PALM2AKAP2: variants seen among roughly 807,000 people sequenced by gnomAD.
PALM2AKAP2 encodes PALM2 and AKAP2 fusion, also known as PALM2-AKAP2 fusion protein.
A neutral mutation model predicts 71.5 loss-of-function variants in PALM2AKAP2; 37 were observed. That is an observed-to-expected ratio of 0.52 (90% CI 0.40 to 0.68). PALM2AKAP2 has a LOEUF of 0.68. PALM2AKAP2 is among the 30% of genes least tolerant of loss of function. PALM2AKAP2 has a pLI of 0.00. For synonymous variants in PALM2AKAP2, 468 were observed against 478.8 expected, an observed-to-expected ratio of 0.98 and a Z score of 0.29; for missense variants, 1,224 against 1,191.8, an observed-to-expected ratio of 1.03 and a Z score of -0.40.
intron 3 of PALM2AKAP2, among the ~76,000 whole-genome samples, chr9:110,163,423 AT>A (rs2119263935): frequency 6.6e-6 from 1 of 152,288 alleles, no homozygotes. Context: ...GATATTTAAT[AT>A]TTTTAAAAGA....
chr9:109,976,599 G>A (rs1315208997), intron 6 of PALM2AKAP2, among the ~76,000 whole-genome samples: 1 of 152,220 alleles, frequency 6.6e-6, no homozygotes, highest in East Asian at 1.9e-4. Context: ...TATATCTGGA[G>A]AGGTTTTCTC....
intron 3 of PALM2AKAP2, among the ~76,000 whole-genome samples, chr9:110,162,612 G>A (rs1256348544): frequency 2.0e-5 from 3 of 152,258 alleles, no homozygotes; most frequent in African/African-American, 7.2e-5. Context: ...CTAATCTACA[G>A]ATTTATCAAA....
chr9:109,985,095 G>C (rs1046989324), intron 6 of PALM2AKAP2, among the ~76,000 whole-genome samples: 4 of 151,908 alleles, frequency 2.6e-5, no homozygotes, highest in African/African-American at 9.7e-5. Flanking sequence ...AGAATCACTT[G>C]AATCAAGGAG....
At chr9:109,839,726 T>C (rs1254403966) in intron 1 of PALM2AKAP2, among the ~76,000 whole-genome samples, 1 of 151,860 alleles carries the variant, frequency 6.6e-6, no homozygotes, top group African/African-American at 2.4e-5. Context: ...TATACACCAA[T>C]AACAGAGAGC....
At chr9:109,797,984 A>G (rs1394696153) in intron 1 of PALM2AKAP2, among the ~76,000 whole-genome samples, 1 of 152,152 alleles carries the variant, frequency 6.6e-6, no homozygotes, top group African/African-American at 2.4e-5. Context: ...AACAACAACA[A>G]TTTTATCATC....
intron 1 of PALM2AKAP2, among the ~76,000 whole-genome samples, chr9:109,695,595 C>T (rs1827958589): frequency 6.6e-6 from 1 of 152,024 alleles, no homozygotes; most frequent in Admixed American, 6.6e-5. Flanking sequence ...TGTATGTCTT[C>T]TTTTGAGTAA....
At position 110,015,948 on chromosome 9, in the gene PALM2AKAP2, T is replaced by C; in HGVS notation, c.497-6T>C. The C allele has an allele frequency of 6.2e-7, 1 of 1,613,414 alleles. No individual in the cohort carries two copies. The highest frequency in any genetic ancestry group is 8.5e-7 in the Non-Finnish European group (1 of 1,179,722). On this transcript the variant is annotated splice_region_variant and splice_polypyrimidine_tract_variant and intron_variant, in intron 6 of 9. Transcript: ENST00000302798. ...GCTCAAATGGCACTTCTTTTTTTTC[T>C]TTCAGGAGTCGGGTGGGAGAATGTG...
At chr9:110,144,572 T>C (rs1008983552) in intron 2 of PALM2AKAP2, among the ~76,000 whole-genome samples, 1 of 152,234 alleles carries the variant, frequency 6.6e-6, no homozygotes, top group Non-Finnish European at 1.5e-5. Flanking sequence ...TTTTAGAGAA[T>C]TTATAAAGTA....
In PALM2AKAP2 at chr9:109,677,520, C is replaced by T. The variant is rs533111122; in HGVS notation, c.5+36654C>T. On this transcript the variant is annotated intron_variant, in intron 1 of 6. Transcript: ENST00000374531. ...CCGTCTCTACTAAAAATACAAAACT[C>T]AGCTAGGCGCAGTGGCGGGCACCTG... is the stretch of plus-strand genomic sequence containing the variant. Among the ~76,000 whole-genome samples, 179 of 152,162 alleles carry T rather than the reference C, an allele frequency of 1.2e-3. 1 individual carries two copies. Among genetic ancestry groups the T allele is most frequent in the African/African-American group, 4.0e-3 (168 of 41,516 alleles).
At chr9:110,076,529 A>C (rs1834330019) in intron 1 of PALM2AKAP2, among the ~76,000 whole-genome samples, 2 of 144,772 alleles carry the variant, frequency 1.4e-5, no homozygotes, top group Admixed American at 1.4e-4. Flanking sequence ...ATACCTCCAA[A>C]AGGATGCTTT....
At chr9:109,978,265 G>T (rs1334934108) in intron 6 of PALM2AKAP2, among the ~76,000 whole-genome samples, 2 of 152,040 alleles carry the variant, frequency 1.3e-5, no homozygotes, top group Admixed American at 1.3e-4. Flanking sequence ...AGTGGAGGTT[G>T]GCAGACATTT....
chr9:109,688,271 G>A (rs1292414271), intron 1 of PALM2AKAP2, among the ~76,000 whole-genome samples: 1 of 152,224 alleles, frequency 6.6e-6, no homozygotes, highest in East Asian at 1.9e-4. Context: ...TATTTGGGAA[G>A]CACAATACAA....
At chr9:109,654,848 G>A (rs918257521) in intron 1 of PALM2AKAP2, among the ~76,000 whole-genome samples, 2 of 151,768 alleles carry the variant, frequency 1.3e-5, no homozygotes, top group Non-Finnish European at 2.9e-5. Context: ...GCCTATCTGT[G>A]TCTTATTTTG....
chr9:109,854,763 C>G (rs375442098), intron 1 of PALM2AKAP2, among the ~76,000 whole-genome samples: 1 of 66,158 alleles, frequency 1.5e-5, no homozygotes, highest in Non-Finnish European at 2.7e-5. Flanking sequence ...AAGAATGTAT[C>G]TTTTTTTTTT....
chr9:110,135,172 A>AAAAAAAAAAAAAT (rs1554755284), intron 1 of PALM2AKAP2, among the ~76,000 whole-genome samples: 1 of 61,100 alleles, frequency 1.6e-5, no homozygotes, highest in African/African-American at 6.1e-5. Context: ...AAAATATATA[A>AAAAAAAAAAAAAT]ATATATATAT....
chr9:109,683,088 C>T (rs1009175127), intron 1 of PALM2AKAP2, among the ~76,000 whole-genome samples: 2 of 152,248 alleles, frequency 1.3e-5, no homozygotes, highest in Non-Finnish European at 2.9e-5. Context: ...CTCCCCTCCC[C>T]GCTTGCTCCT....
intron 1 of PALM2AKAP2, among the ~76,000 whole-genome samples, chr9:109,830,965 G>T (rs184833341): frequency 6.6e-6 from 1 of 152,178 alleles, no homozygotes; most frequent in East Asian, 1.9e-4. Context: ...GATTGGAACA[G>T]CAGATTTAGG....
chr9:109,732,528 G>A (rs1048509116), intron 1 of PALM2AKAP2, among the ~76,000 whole-genome samples: 2 of 152,194 alleles, frequency 1.3e-5, no homozygotes, highest in South Asian at 2.1e-4. Context: ...TGGTGGGCAC[G>A]CAAGGTTAGA....
chr9:109,784,822 G>A lies in PALM2AKAP2; in HGVS notation c.45+4289G>A, dbSNP rs551262277. On this transcript the variant is annotated intron_variant, in intron 1 of 9. Coordinates refer to the PALM2AKAP2 transcript ENST00000302798. ...CTTTTCCCATGAGCACACTGTGCAGGTGGTCTCAGCAGCCTGAGTGTGAGC... is the reference window on the plus strand; with the variant it reads ...CTTTTCCCATGAGCACACTGTGCAGATGGTCTCAGCAGCCTGAGTGTGAGC... 2.3e-4 allele frequency among the ~76,000 whole-genome samples: 35 copies of A among 152,372 alleles called. No homozygotes were observed. In the South Asian group the frequency reaches 6.2e-3, roughly 27 times the overall value.
Sources: gnomAD v4.1 joint callset for allele counts (sites outside exome capture counted in the v4.1 genomes callset) on GRCh38, gnomAD v4.1.1 for gene constraint, MANE v1.5 for transcripts, NCBI Gene and HGNC (gene_info 2026-07-23, HGNC 2026-07-21) for gene names.